Variants in PTPN4 observed in about 807,000 individuals in gnomAD.
PTPN4 encodes the protein protein tyrosine phosphatase non-receptor type 4, also known as tyrosine-protein phosphatase non-receptor type 4.
PTPN4 carries 49 observed loss-of-function variants against 135.5 expected under a neutral mutation model. That is an observed-to-expected ratio of 0.36 (90% CI 0.29 to 0.46). The LOEUF (loss-of-function observed/expected upper bound fraction) is 0.46, where lower values mean the gene tolerates loss of function less well. Among genes scored for constraint, PTPN4 ranks in the 20% least tolerant of loss-of-function variants. The pLI is 1.00. For synonymous variants in PTPN4, 333 were observed against 369.9 expected (o/e 0.90, Z 1.14); for missense variants, 860 against 1,101.0 (o/e 0.78, Z 3.10).
intron 15 of PTPN4, among the ~76,000 whole-genome samples, chr2:119,939,760 T>C (rs1679035408): frequency 6.6e-6 from 1 of 152,214 alleles, no homozygotes; most frequent in African/African-American, 2.4e-5. Flanking sequence ...TCTCAGCTAC[T>C]GGCACTGATG....
intron 2 of PTPN4, among the ~76,000 whole-genome samples, chr2:119,811,916 C>T (rs571041737): frequency 6.6e-6 from 1 of 151,646 alleles, no homozygotes; most frequent in African/African-American, 2.4e-5. Context: ...ATATATATTA[C>T]ATATATTTAG....
At chr2:119,902,523 A>G (rs1678420888) in intron 10 of PTPN4, among the ~76,000 whole-genome samples, 1 of 152,266 alleles carries the variant, frequency 6.6e-6, no homozygotes, top group Admixed American at 6.5e-5. Flanking sequence ...ATGGCTGACT[A>G]GAGTCACGGA....
rs1691113771 is a variant in PTPN4, at chr2:119,789,937, A to C, written c.-17-19900A>C. 2.6e-5 allele frequency among the ~76,000 whole-genome samples: 4 copies of C among 151,952 alleles called. 1 individual carries two copies. The South Asian group carries it at 6.2e-4, about 24-fold the overall frequency. ...GAGACTCGGTTTCATTATGTTGGCC[A>C]GGCTAGTCTTGAACTCCTGACCTCA... is the stretch of plus-strand genomic sequence containing the variant. On this transcript the variant is annotated intron_variant, in intron 1 of 26. Transcript: ENST00000263708.
At chr2:119,775,889 A>G (rs1372852995) in intron 1 of PTPN4, among the ~76,000 whole-genome samples, 2 of 152,180 alleles carry the variant, frequency 1.3e-5, no homozygotes, top group Non-Finnish European at 2.9e-5. Flanking sequence ...GGTTTCAGGT[A>G]TACATCTTGA....
chr2:119,816,422 T>C (rs1676987795), intron 2 of PTPN4, among the ~76,000 whole-genome samples: 1 of 152,116 alleles, frequency 6.6e-6, no homozygotes, highest in African/African-American at 2.4e-5. Context: ...TAAAAATCTA[T>C]AATCTATGGC....
At chr2:119,790,475 T>C (rs929052090) in intron 1 of PTPN4, among the ~76,000 whole-genome samples, 3 of 152,080 alleles carry the variant, frequency 2.0e-5, no homozygotes, top group Non-Finnish European at 4.4e-5. Context: ...TGGATAAATA[T>C]CTCATTTTGA....
intron 2 of PTPN4, among the ~76,000 whole-genome samples, chr2:119,854,829 A>G (rs1411311016): frequency 1.3e-5 from 2 of 152,272 alleles, no homozygotes; most frequent in East Asian, 1.9e-4. Context: ...TTAGCCTGTC[A>G]ATTATTTTGA....
At chr2:119,873,223 T>C (rs2104995325) in intron 3 of PTPN4, among the ~76,000 whole-genome samples, 1 of 152,100 alleles carries the variant, frequency 6.6e-6, no homozygotes, top group Non-Finnish European at 1.5e-5. Context: ...GGTCTTGCCA[T>C]GTATCTTTCC....
chr2:119,790,697 A>G (rs1232531143), intron 1 of PTPN4, among the ~76,000 whole-genome samples: 2 of 152,144 alleles, frequency 1.3e-5, no homozygotes, highest in African/African-American at 4.8e-5. Flanking sequence ...GAAATTACTG[A>G]CAAACCAGCA....
chr2:119,774,505 A>T (rs1384249505), intron 1 of PTPN4, among the ~76,000 whole-genome samples: 2 of 152,216 alleles, frequency 1.3e-5, no homozygotes, highest in African/African-American at 4.8e-5. Flanking sequence ...ATATTAGTGC[A>T]GGATTGCTAT....
chr2:119,886,489 A>T (rs1678156536), intron 9 of PTPN4, among the ~76,000 whole-genome samples: 2 of 152,106 alleles, frequency 1.3e-5, no homozygotes, highest in Non-Finnish European at 1.5e-5. Context: ...TTTATCCTGT[A>T]TTTGTGTGTT....
intron 2 of PTPN4, among the ~76,000 whole-genome samples, chr2:119,812,030 A>C (rs951303083): frequency 2.0e-5 from 3 of 152,094 alleles, no homozygotes; most frequent in Non-Finnish European, 2.9e-5. Context: ...GTCATCAAAA[A>C]ACTTAAGAGG....
At chr2:119,780,979 C>G (rs1394566746) in intron 1 of PTPN4, among the ~76,000 whole-genome samples, 1 of 152,106 alleles carries the variant, frequency 6.6e-6, no homozygotes, top group Admixed American at 6.5e-5. Flanking sequence ...TTATTCCTCT[C>G]CCTCACTTAA....
intron 2 of PTPN4, among the ~76,000 whole-genome samples, chr2:119,822,366 T>C (rs1275943847): frequency 1.4e-3 from 73 of 53,108 alleles, no homozygotes; most frequent in Middle Eastern, 8.1e-3. Context: ...CCCCCCCCCT[T>C]TTTTTTTTTT....
At chr2:119,829,745 A>G (rs1373636897) in intron 2 of PTPN4, among the ~76,000 whole-genome samples, 1 of 152,044 alleles carries the variant, frequency 6.6e-6, no homozygotes, top group South Asian at 2.1e-4. Flanking sequence ...GGTTGTTTCT[A>G]CCTTTTACTT....
rs910912040 is a variant in PTPN4 at position 119,943,589 on chromosome 2, T to C, written c.1356-1492T>C. On this transcript the variant is annotated intron_variant, in intron 15 of 26. Coordinates refer to ENST00000263708, the MANE Select transcript of PTPN4 (RefSeq NM_002830.4). Reference sequence around the variant, plus strand: ...GCTGTTTCATTTTTTTCTTTTTTTTTTTTTTTTTTTTTTTGAGATGGAGTC... The same window carrying C: ...GCTGTTTCATTTTTTTCTTTTTTTTCTTTTTTTTTTTTTTGAGATGGAGTC... 3.7e-5 allele frequency among the ~76,000 whole-genome samples: 5 copies of C among 133,722 alleles called. No individual in the cohort carries two copies. The South Asian group carries it at 7.7e-4, about 21-fold the overall frequency. The allele number at this position is 133,722 out of a possible 152,430, so 87.7% of individuals were successfully genotyped here.
chr2:119,762,224 T>C (rs897080605), intron 1 of PTPN4, among the ~76,000 whole-genome samples: 11 of 152,208 alleles, frequency 7.2e-5, no homozygotes, highest in African/African-American at 2.4e-4. Context: ...AAAAAAAGTA[T>C]AGATCTCTCA....
intron 2 of PTPN4, among the ~76,000 whole-genome samples, chr2:119,813,384 A>G (rs1311893617): frequency 6.6e-6 from 1 of 151,744 alleles, no homozygotes; most frequent in Non-Finnish European, 1.5e-5. Flanking sequence ...AGTAGCTGGG[A>G]TTACAGGCAT....
intron 2 of PTPN4, among the ~76,000 whole-genome samples, chr2:119,829,788 G>A (rs1471462378): frequency 6.6e-6 from 1 of 152,130 alleles, no homozygotes. Flanking sequence ...TGGCATACAA[G>A]TATCTGTTCA....
Sources: allele counts gnomAD v4.1 joint callset (sites outside exome capture counted in the v4.1 genomes callset), GRCh38; gene constraint gnomAD v4.1.1; transcripts MANE v1.5; gene names NCBI Gene and HGNC (gene_info 2026-07-23, HGNC 2026-07-21).